Variants in CTNNA3 observed in about 807,000 individuals in gnomAD.
CTNNA3 encodes the protein catenin alpha-3.
CTNNA3 carries 76 observed loss-of-function variants against 95.7 expected under a neutral mutation model. The ratio of observed to expected loss-of-function variants is 0.79; its 90% CI spans 0.66 to 0.96. The LOEUF (loss-of-function observed/expected upper bound fraction) is 0.96. CTNNA3 is among the 40% of genes least tolerant of loss of function. The probability of loss-of-function intolerance (pLI) is 0.00; values close to 1 mark genes in which losing one functional copy is unlikely to be tolerated. For missense variants in CTNNA3, 1,191 were observed against 1,089.8 expected, an observed-to-expected ratio of 1.09 and a Z score of -1.31; for synonymous variants, 431 against 374.4, an observed-to-expected ratio of 1.15 and a Z score of -1.74.
chr10:65,938,005 TTCTG>T (rs2077369967), intron 17 of CTNNA3, among the ~76,000 whole-genome samples: 1 of 147,720 alleles, frequency 6.8e-6, no homozygotes, highest in Non-Finnish European at 1.5e-5. Context: ...GTATTAGTTA[TTCTG>T]ATGTTGTCTT....
chr10:66,391,967 A>G (rs2092936840), intron 11 of CTNNA3, among the ~76,000 whole-genome samples: 1 of 152,016 alleles, frequency 6.6e-6, no homozygotes, highest in African/African-American at 2.4e-5. Flanking sequence ...AAAATGCAGT[A>G]CTACAAAGCT....
intron 11 of CTNNA3, among the ~76,000 whole-genome samples, chr10:66,465,520 G>T (rs1838876216): frequency 2.0e-5 from 3 of 152,148 alleles, no homozygotes; most frequent in African/African-American, 7.2e-5. Context: ...ACTGAAGCGT[G>T]TTTTTCAATC....
Position 65,913,438 on chromosome 10 carries a change from A to C in CTNNA3, c.*6892T>G, listed in dbSNP as rs1287244537. ...TCACGGATATGGAGGAGAAATTATT[A>C]TGCTACCATTTAGGTCTAAGGAAAT... On this transcript the variant is annotated 3_prime_UTR_variant, in exon 18 of 18. Transcript: ENST00000433211. The C allele has an allele frequency of 6.6e-6, 1 of 152,262 alleles. No individual in the cohort carries two copies. The highest frequency in any genetic ancestry group is 1.9e-4 in the East Asian group (1 of 5,176). The allele number at this position is 152,262 out of a possible 1,614,324, so 9.4% of individuals were successfully genotyped here.
At chr10:66,980,380 A>G (rs1346601408) in intron 7 of CTNNA3, among the ~76,000 whole-genome samples, 1 of 152,186 alleles carries the variant, frequency 6.6e-6, no homozygotes, top group East Asian at 1.9e-4. Flanking sequence ...CAAACTATAT[A>G]GGGAAGCCAT....
chr10:67,554,404 C>T (rs930964397), intron 3 of CTNNA3, among the ~76,000 whole-genome samples: 5 of 152,184 alleles, frequency 3.3e-5, no homozygotes, highest in African/African-American at 9.7e-5. Context: ...TTCTCCACAT[C>T]CTCTCCAGCA....
intron 7 of CTNNA3, among the ~76,000 whole-genome samples, chr10:66,915,180 C>A (rs1846424409): frequency 6.8e-6 from 1 of 146,622 alleles, no homozygotes. Flanking sequence ...CACTGACTGC[C>A]CAAAAACTAA....
At chr10:67,466,580 A>G (rs1261743635) in intron 5 of CTNNA3, among the ~76,000 whole-genome samples, 1 of 152,222 alleles carries the variant, frequency 6.6e-6, no homozygotes, top group Non-Finnish European at 1.5e-5. Flanking sequence ...TCATGTGTGA[A>G]CAAAGCCAAA....
intron 17 of CTNNA3, among the ~76,000 whole-genome samples, chr10:65,950,912 AT>A (rs150151507): frequency 7.3e-5 from 11 of 151,178 alleles, no homozygotes; most frequent in Admixed American, 3.3e-4. Context: ...CTTCATCCAG[AT>A]TTTTTTTTCT....
chr10:66,121,210 A>G (rs1010349840), intron 13 of CTNNA3, among the ~76,000 whole-genome samples: 2 of 152,194 alleles, frequency 1.3e-5, no homozygotes, highest in African/African-American at 2.4e-5. Context: ...AAGAGTTAAA[A>G]TTATGTCAAG....
intron 10 of CTNNA3, among the ~76,000 whole-genome samples, chr10:66,539,843 G>C (rs1373192156): frequency 1.3e-5 from 2 of 152,070 alleles, no homozygotes; most frequent in African/African-American, 4.8e-5. Flanking sequence ...TACTGAATCA[G>C]AGCCTGCATT....
intron 11 of CTNNA3, among the ~76,000 whole-genome samples, chr10:66,387,398 C>A (rs942501651): frequency 1.3e-5 from 2 of 152,142 alleles, no homozygotes; most frequent in African/African-American, 4.8e-5. Flanking sequence ...CAATGAGATA[C>A]CATCTCATGC....
At chr10:66,946,510 C>T (rs1271306838) in intron 7 of CTNNA3, among the ~76,000 whole-genome samples, 2 of 152,120 alleles carry the variant, frequency 1.3e-5, no homozygotes, top group South Asian at 2.1e-4. Context: ...AACACATCAG[C>T]AGTGTTTCAA....
chr10:66,857,459 T>C (rs1843727532), intron 7 of CTNNA3, among the ~76,000 whole-genome samples: 1 of 151,952 alleles, frequency 6.6e-6, no homozygotes, highest in South Asian at 2.1e-4. Flanking sequence ...TTTTTGGTAG[T>C]TTGATAGGAA....
chr10:65,948,546 G>GT (rs113271894), intron 17 of CTNNA3, among the ~76,000 whole-genome samples: 21,195 of 150,562 alleles, frequency 0.14, 1,513 homozygotes, highest in East Asian at 0.21. Context: ...GGTTGTCAGT[G>GT]TTTTTTTTTG....
chr10:67,503,016 G>T (rs1453950338), intron 5 of CTNNA3, among the ~76,000 whole-genome samples: 1 of 152,188 alleles, frequency 6.6e-6, no homozygotes, highest in East Asian at 1.9e-4. Flanking sequence ...ACTGGGGTAT[G>T]AAACAAAATT....
At chr10:66,840,320 G>T (rs1843006128) in intron 7 of CTNNA3, among the ~76,000 whole-genome samples, 1 of 106,244 alleles carries the variant, frequency 9.4e-6, no homozygotes, top group African/African-American at 3.6e-5. Flanking sequence ...CTTCCAAGAA[G>T]CCATCTCTCT....
chr10:67,194,366 A>C (rs1330601413), intron 6 of CTNNA3, among the ~76,000 whole-genome samples: 1 of 152,046 alleles, frequency 6.6e-6, no homozygotes, highest in Non-Finnish European at 1.5e-5. Flanking sequence ...AGACAATGGA[A>C]TATTACTCAG....
chr10:67,358,524 G>A (rs1347376129), intron 5 of CTNNA3, among the ~76,000 whole-genome samples: 1 of 152,128 alleles, frequency 6.6e-6, no homozygotes, highest in African/African-American at 2.4e-5. Flanking sequence ...GAGTCCCTGA[G>A]TGCCAGAACA....
intron 3 of CTNNA3, among the ~76,000 whole-genome samples, chr10:67,572,620 A>T (rs555671582): frequency 6.6e-6 from 1 of 152,322 alleles, no homozygotes; most frequent in South Asian, 2.1e-4. Flanking sequence ...ATTTCCTAAG[A>T]TGTCTGCCTT....
Sources: allele counts gnomAD v4.1 joint callset (sites outside exome capture counted in the v4.1 genomes callset), GRCh38; gene constraint gnomAD v4.1.1; transcripts MANE v1.5; gene names NCBI Gene and HGNC (gene_info 2026-07-23, HGNC 2026-07-21).